The following CENPP variants were observed in gnomAD, a reference collection of about 807,000 sequenced individuals.
The protein encoded by CENPP is centromere protein P.
In CENPP, 24 loss-of-function variants were observed where a neutral mutation model predicts 35.6. The ratio of observed to expected loss-of-function variants is 0.67; its 90% CI spans 0.49 to 0.95. The LOEUF is 0.95. Ranked by LOEUF, CENPP falls within the 40% of genes least tolerant of loss-of-function variation. CENPP has a pLI of 0.00. For missense variants in CENPP, 332 were observed against 345.3 expected (o/e 0.96, Z 0.31); for synonymous variants, 120 against 125.5 (o/e 0.96, Z 0.29).
chr9:92,340,454 T>G (rs1841077650), intron 3 of CENPP: 1 of 152,190 alleles, frequency 6.6e-6, no homozygotes, highest in Non-Finnish European at 1.5e-5. Context: ...TGATGGAAAG[T>G]ATCAAATAGT....
At chr9:92,435,348 A>C (rs1248098663) in intron 5 of CENPP, among the ~76,000 whole-genome samples, 1 of 152,180 alleles carries the variant, frequency 6.6e-6, no homozygotes, top group Non-Finnish European at 1.5e-5. Flanking sequence ...TTTAATTAAA[A>C]ATGTTATTTC....
intron 5 of CENPP, among the ~76,000 whole-genome samples, chr9:92,471,482 A>G (rs953091711): frequency 1.3e-5 from 2 of 151,952 alleles, no homozygotes; most frequent in Non-Finnish European, 2.9e-5. Context: ...GTCGTGAGCC[A>G]CCGCACCCAG....
At chr9:92,360,949 C>T (rs748318689) in intron 4 of CENPP, among the ~76,000 whole-genome samples, 31 of 151,774 alleles carry the variant, frequency 2.0e-4, no homozygotes, top group South Asian at 1.2e-3. Context: ...CCTCGTGATC[C>T]GCCCGCCTCG....
intron 5 of CENPP, among the ~76,000 whole-genome samples, chr9:92,504,716 T>C (rs148077397): frequency 6.6e-5 from 10 of 152,072 alleles, no homozygotes; most frequent in Non-Finnish European, 1.5e-4. Context: ...TTTTAATATA[T>C]CTTTTAGAGA....
intron 5 of CENPP, chr9:92,404,730 T>G: frequency 9.3e-7 from 1 of 1,073,414 alleles, no homozygotes; most frequent in African/African-American, 1.7e-5. Context: ...GCTTAAGTTA[T>G]TTGTTGTAAC....
chr9:92,392,725 A>G (rs745451489), intron 5 of CENPP, among the ~76,000 whole-genome samples: 1 of 152,224 alleles, frequency 6.6e-6, no homozygotes, highest in Non-Finnish European at 1.5e-5. Flanking sequence ...CTGTGTTTTT[A>G]TAGTCCAGGT....
intron 3 of CENPP, chr9:92,341,742 C>T (rs1421287615): frequency 2.0e-5 from 3 of 152,310 alleles, no homozygotes; most frequent in Admixed American, 6.5e-5. Context: ...GGATGTCCTG[C>T]CACTTAGGTC....
At chr9:92,429,036 G>T (rs1564315805) in intron 5 of CENPP, among the ~76,000 whole-genome samples, 1 of 152,036 alleles carries the variant, frequency 6.6e-6, no homozygotes, top group East Asian at 1.9e-4. Flanking sequence ...AATTAATTAT[G>T]AATGTAATTA....
chr9:92,496,236 A>G, intron 5 of CENPP: 1 of 1,498,062 alleles, frequency 6.7e-7, no homozygotes, highest in African/African-American at 1.4e-5. Context: ...CAGGAGGATT[A>G]TGTCTCTCTT....
intron 5 of CENPP, among the ~76,000 whole-genome samples, chr9:92,555,590 A>G (rs1264723148): frequency 2.0e-5 from 3 of 152,066 alleles, no homozygotes; most frequent in African/African-American, 7.2e-5. Flanking sequence ...AGGTTATCTA[A>G]TTCTTCCTGA....
chr9:92,397,303 TC>T (rs1329791784), intron 5 of CENPP, among the ~76,000 whole-genome samples: 1 of 152,108 alleles, frequency 6.6e-6, no homozygotes, highest in Non-Finnish European at 1.5e-5. Context: ...AGCTATCTCT[TC>T]AGAAAGCACT....
chr9:92,428,993 CTTATCT>C (rs776006241), intron 5 of CENPP, among the ~76,000 whole-genome samples: 39 of 152,020 alleles, frequency 2.6e-4, no homozygotes, highest in Non-Finnish European at 4.7e-4. Flanking sequence ...TTAGCTAACT[CTTATCT>C]TTAAGACATC....
intron 5 of CENPP, among the ~76,000 whole-genome samples, chr9:92,567,375 T>TATATAGATATATATATATATATATATAG (rs60545319): frequency 1.5e-4 from 12 of 81,872 alleles, no homozygotes; most frequent in African/African-American, 7.1e-4. Context: ...ATAAGATAGA[T>TATATAGATATATATATATATATATATAG]ATATATATAT....
At chr9:92,477,727 C>G (rs772673853) in intron 5 of CENPP, among the ~76,000 whole-genome samples, 8 of 152,164 alleles carry the variant, frequency 5.3e-5, no homozygotes, top group Non-Finnish European at 8.8e-5. Context: ...CCACACTTCC[C>G]TACTCAAAAA....
At chr9:92,505,405 A>G (rs1846940516) in intron 5 of CENPP, 1 of 826,262 alleles carries the variant, frequency 1.2e-6, no homozygotes, top group Non-Finnish European at 1.8e-6. Context: ...CTTAAATTAC[A>G]GGAAATTCTG....
At chr9:92,547,738 G>A (rs1336407773) in intron 5 of CENPP, among the ~76,000 whole-genome samples, 3 of 152,132 alleles carry the variant, frequency 2.0e-5, no homozygotes, top group Non-Finnish European at 4.4e-5. Flanking sequence ...TAGTAGTGAT[G>A]GCCCTAACTA....
In CENPP at chr9:92,613,076, T is replaced by C. The variant is rs746510471; in HGVS notation, c.794T>C (p.Leu265Pro). Residue 265 changes from leucine (L) to proline (P), a missense_variant, in exon 8 of 8, where the codon CTG (leucine) becomes CCG (proline). Transcript: ENST00000375587. ...ACTGCTCCTCTCAGCTTCCGAACCC[T>C]GGTAGGACTGCTTGGAATCGAAGCT... The part of the protein sequence containing the change: ...IETAPLSFRT[L>P]VGLLGIEAAL... 2 of 1,614,062 alleles carry C rather than the reference T, an allele frequency of 1.2e-6. No homozygotes were observed. Among genetic ancestry groups the C allele is most frequent in the African/African-American group, 1.3e-5 (1 of 74,934 alleles).
intron 5 of CENPP, chr9:92,510,058 A>T: frequency 6.3e-7 from 1 of 1,583,634 alleles, no homozygotes; most frequent in Non-Finnish European, 8.5e-7. Context: ...TCTCAAAGTT[A>T]CTTTTTTATC....
chr9:92,406,380 T>C (rs1452564790), intron 5 of CENPP, among the ~76,000 whole-genome samples: 3 of 152,160 alleles, frequency 2.0e-5, no homozygotes, highest in Non-Finnish European at 4.4e-5. Context: ...TGAGAGACCA[T>C]GTAGAGATTT....
Sources: gnomAD v4.1 joint callset for allele counts (sites outside exome capture counted in the v4.1 genomes callset) on GRCh38, gnomAD v4.1.1 for gene constraint, MANE v1.5 for transcripts, NCBI Gene and HGNC (gene_info 2026-07-23, HGNC 2026-07-21) for gene names.